The following FARP1 variants were observed in gnomAD, a reference collection of about 807,000 sequenced individuals.
FARP1 encodes the protein FERM, ARH/RhoGEF and pleckstrin domain protein 1.
A neutral mutation model predicts 128.8 loss-of-function variants in FARP1; 52 were observed. That is an observed-to-expected ratio of 0.40 (90% CI 0.32 to 0.51). The LOEUF is 0.51. Among genes scored for constraint, FARP1 ranks in the 20% least tolerant of loss-of-function variants. The probability of loss-of-function intolerance (pLI) is 0.45; values close to 1 mark genes in which losing one functional copy is unlikely to be tolerated. For synonymous variants in FARP1, 580 were observed against 551.8 expected, an observed-to-expected ratio of 1.05 and a Z score of -0.72; for missense variants, 1,333 against 1,367.9, an observed-to-expected ratio of 0.97 and a Z score of 0.40.
chr13:98,307,192 A>C (rs1183081236), intron 2 of FARP1, among the ~76,000 whole-genome samples: 1 of 152,220 alleles, frequency 6.6e-6, no homozygotes, highest in East Asian at 1.9e-4. Flanking sequence ...AAAGCAAAGG[A>C]TGAGAGGTTT....
At chr13:98,446,337 C>G (rs1237809121) in intron 25 of FARP1, 132 bp downstream of exon 25, 3 of 641,494 alleles carry the variant, frequency 4.7e-6, no homozygotes, top group Non-Finnish European at 8.3e-6. Context: ...GGGATGCTGG[C>G]GGGGGGCCCT....
chr13:98,411,882 A>G lies in FARP1; in HGVS notation c.1693-19A>G, dbSNP rs368493586. 62 of 1,611,846 alleles carry G rather than the reference A, an allele frequency of 3.8e-5. No individual in the cohort carries two copies. Among genetic ancestry groups the G allele is most frequent in the East Asian group, 8.9e-5 (4 of 44,726 alleles). ...CATTGATCTTTCCACCCGTAAGTGCATCGTCTTCTTCTTTCCAGTGGTTTC... is the reference window on the plus strand; with the variant it reads ...CATTGATCTTTCCACCCGTAAGTGCGTCGTCTTCTTCTTTCCAGTGGTTTC... On this transcript the variant is annotated intron_variant, in intron 15 of 26. Transcript: ENST00000319562.
intron 2 of FARP1, among the ~76,000 whole-genome samples, chr13:98,291,584 C>T (rs1885447601): frequency 6.6e-6 from 1 of 152,148 alleles, no homozygotes; most frequent in South Asian, 2.1e-4. Context: ...TCATGAGGGG[C>T]AAGTTTCTGC....
chr13:98,147,538 C>T (rs192532539), intron 1 of FARP1, among the ~76,000 whole-genome samples: 63 of 151,860 alleles, frequency 4.1e-4, no homozygotes, highest in Admixed American at 8.5e-4. Flanking sequence ...AGACTTTTGA[C>T]GAAATGCTTT....
chr13:98,244,488 C>T, intron 2 of FARP1: 1 of 1,613,862 alleles, frequency 6.2e-7, no homozygotes. Flanking sequence ...CCTCTCTTCC[C>T]AGATGGTGTC....
intron 2 of FARP1, among the ~76,000 whole-genome samples, chr13:98,293,091 T>C (rs1344851870): frequency 1.3e-5 from 2 of 152,174 alleles, no homozygotes; most frequent in Non-Finnish European, 2.9e-5. Flanking sequence ...GATCTGACTT[T>C]GAATAAAAGA....
At chr13:98,272,650 C>CT (rs1884444999) in intron 2 of FARP1, among the ~76,000 whole-genome samples, 1 of 152,098 alleles carries the variant, frequency 6.6e-6, no homozygotes, top group African/African-American at 2.4e-5. Flanking sequence ...GTATCTTGTC[C>CT]TGAAAGATTG....
intron 17 of FARP1, among the ~76,000 whole-genome samples, chr13:98,426,936 A>G (rs1279061678): frequency 6.6e-6 from 1 of 152,190 alleles, no homozygotes; most frequent in Non-Finnish European, 1.5e-5. Flanking sequence ...AAACTTGAGG[A>G]GAAAGTACAG....
chr13:98,287,208 C>CTTTTTTTTTTTTTTTTTT lies in FARP1; in HGVS notation c.172-56531_172-56514dup, dbSNP rs71111939. Among the ~76,000 whole-genome samples the CTTTTTTTTTTTTTTTTTT allele has an allele frequency of 2.2e-4, 17 of 75,844 alleles. 2 individuals carry two copies. Among genetic ancestry groups the CTTTTTTTTTTTTTTTTTT allele is most frequent in the Non-Finnish European group, 3.3e-4 (14 of 42,108 alleles). 49.8% of individuals were successfully genotyped at this position (75,844 alleles called of 152,430 possible). A position where few individuals can be genotyped will look rare whatever the true frequency, so the allele number is the denominator to read the frequency against. On this transcript the variant is annotated intron_variant, in intron 2 of 26. Coordinates refer to ENST00000319562, the MANE Select transcript of FARP1 (RefSeq NM_005766.4). ...TTTCCAAATTAACCATCAGACATGT[C>CTTTTTTTTTTTTTTTTTT]TTTTTTTTTTTTTTTTTTTTTTTTT...
At chr13:98,226,737 C>G (rs901906518) in intron 2 of FARP1, among the ~76,000 whole-genome samples, 4 of 152,044 alleles carry the variant, frequency 2.6e-5, no homozygotes, top group Non-Finnish European at 4.4e-5. Context: ...AACTGAAGTA[C>G]GGGTGGCCAT....
chr13:98,379,180 A>AAT lies in FARP1; in HGVS notation c.496+1270_496+1271dup, dbSNP rs1491285944. ...TATATATAATATATAATCTATATATAATATATATAATATATAATATATATA... is the reference window on the plus strand; with the variant it reads ...TATATATAATATATAATCTATATATAATATATATATAATATATAATATATATA... On this transcript the variant is annotated intron_variant, in intron 6 of 26. Transcript: ENST00000319562. Among the ~76,000 whole-genome samples, 82 of 60,518 alleles carry AAT rather than the reference A, an allele frequency of 1.4e-3. 14 individuals carry two copies. Among genetic ancestry groups the AAT allele is most frequent in the Admixed American group, 1.7e-3 (9 of 5,228 alleles). The allele number at this position is 60,518 out of a possible 152,430, so 39.7% of individuals were successfully genotyped here.
Position 98,438,868 on chromosome 13 carries a change from T to A in FARP1, c.2339T>A (p.Phe780Tyr). Residue 780 changes from phenylalanine to tyrosine, a missense_variant, in exon 20 of 27, where the codon TTC becomes TAC. Physicochemically the swap from Phe to Tyr is conservative, Grantham distance 22 (BLOSUM62 3). Transcript: ENST00000319562. ...AAGGGGCTCCAGCAGCGCATGTTCT[T>A]CCTGGTGAGTGGAGAGAGCGGCTTG... ...SGKGLQQRMFFLFNDVLLYTS... is the reference protein window; with the variant it reads ...SGKGLQQRMFYLFNDVLLYTS... 6.2e-7 allele frequency: 1 copy of A among 1,613,678 alleles called. No individual in the cohort carries two copies. The highest frequency in any genetic ancestry group is 8.5e-7 in the Non-Finnish European group (1 of 1,179,864).
At position 98,145,794 on chromosome 13, in the gene FARP1, G is replaced by A. The variant is rs991749557; in HGVS notation, c.-24+2302G>A. 6.0e-4 allele frequency among the ~76,000 whole-genome samples: 91 copies of A among 151,510 alleles called. 1 individual carries two copies. Among genetic ancestry groups the A allele is most frequent in the South Asian group, 6.3e-4 (3 of 4,776 alleles). On this transcript the variant is annotated intron_variant, in intron 1 of 26. Transcript: ENST00000319562. Reference sequence around the variant, plus strand: ...GGAGAATCGCCTGAACCCAGGAGGCGGAGGTTGTAGTGAGTTGAGATTGGG... The same window carrying A: ...GGAGAATCGCCTGAACCCAGGAGGCAGAGGTTGTAGTGAGTTGAGATTGGG...
intron 2 of FARP1, among the ~76,000 whole-genome samples, chr13:98,315,473 A>G (rs1013414170): frequency 2.0e-5 from 3 of 152,218 alleles, no homozygotes; most frequent in African/African-American, 4.8e-5. Context: ...GCACTTATCT[A>G]AATTTTCCTG....
At chr13:98,216,641 C>T (rs978216259) in intron 2 of FARP1, among the ~76,000 whole-genome samples, 10 of 152,190 alleles carry the variant, frequency 6.6e-5, no homozygotes, top group Admixed American at 3.3e-4. Flanking sequence ...CTAAACACTT[C>T]CTGGAACAAA....
At chr13:98,199,482 T>C (rs1234106923) in intron 1 of FARP1, among the ~76,000 whole-genome samples, 1 of 152,210 alleles carries the variant, frequency 6.6e-6, no homozygotes, top group African/African-American at 2.4e-5. Flanking sequence ...TGTTTGTTAA[T>C]GGTGATGATC....
chr13:98,392,302 T>A (rs1890334873), intron 11 of FARP1, among the ~76,000 whole-genome samples: 1 of 115,878 alleles, frequency 8.6e-6, no homozygotes. Flanking sequence ...CTGGGTAACA[T>A]GACGAAAGCT....
intron 3 of FARP1, among the ~76,000 whole-genome samples, chr13:98,352,650 T>A (rs1170572393): frequency 6.6e-6 from 1 of 152,160 alleles, no homozygotes; most frequent in African/African-American, 2.4e-5. Context: ...GTAACAAAAA[T>A]GTATCAAGGT....
At chr13:98,228,958 G>T (rs1400948231) in intron 2 of FARP1, among the ~76,000 whole-genome samples, 1 of 152,124 alleles carries the variant, frequency 6.6e-6, no homozygotes, top group Non-Finnish European at 1.5e-5. Context: ...ATAGGAATTT[G>T]TTATTCTTTT....
Sources: gnomAD v4.1 joint callset for allele counts (sites outside exome capture counted in the v4.1 genomes callset) on GRCh38, gnomAD v4.1.1 for gene constraint, MANE v1.5 for transcripts, NCBI Gene and HGNC (gene_info 2026-07-23, HGNC 2026-07-21) for gene names.